The following TTN variants were observed in gnomAD, a reference collection of about 807,000 sequenced individuals.
The protein encoded by TTN is titin, also known as connectin.
In TTN, 1,525 loss-of-function variants were observed where a neutral mutation model predicts 3,223.0. The ratio of observed to expected loss-of-function variants is 0.47; its 90% CI spans 0.45 to 0.49. The LOEUF (loss-of-function observed/expected upper bound fraction) is 0.49. Ranked by LOEUF, TTN falls within the 20% of genes least tolerant of loss-of-function variation. The pLI is 0.00. For missense variants in TTN, 40,786 were observed against 43,424.0 expected, an observed-to-expected ratio of 0.94 and a Z score of 5.40; for synonymous variants, 14,094 against 15,161.0, an observed-to-expected ratio of 0.93 and a Z score of 5.17.
intron 286 of TTN, 21 bp from the exon 287 acceptor site, chr2:178,601,585 T>C (rs1559690126): frequency 6.3e-7 from 1 of 1,597,892 alleles, no homozygotes; most frequent in African/African-American, 1.4e-5. Flanking sequence ...TAAATCACAA[T>C]ATAAGCAACG....
rs1553893885 is a variant in TTN at position 178,713,408 on chromosome 2, C to CA, written c.26762-37dup. ...CAAAACAAAACAAAACAAAACAAAA[C>CA]AAAAAAAACAAAGGACAACAATTAT... On this transcript the variant is annotated intron_variant, in intron 92 of 362. Transcript: ENST00000589042. The CA allele has an allele frequency of 4.9e-4, 719 of 1,459,564 alleles. 1 individual carries two copies. Among genetic ancestry groups the CA allele is most frequent in the Non-Finnish European group, 5.8e-4 (644 of 1,106,814 alleles). 90.4% of individuals were successfully genotyped at this position (1,459,564 alleles called of 1,614,324 possible). A position where few individuals can be genotyped will look rare whatever the true frequency, so the allele number is the denominator to read the frequency against.
At position 178,632,541 on chromosome 2, in the gene TTN, T is replaced by C; in HGVS notation, c.43465A>G (p.Lys14489Glu). ...AACTATTTACCTTCAATGATCAGTTTGCCACTTGTGTGCTTATCTTCAGCT... is the reference window on the plus strand; with the variant it reads ...AACTATTTACCTTCAATGATCAGTTCGCCACTTGTGTGCTTATCTTCAGCT... ...FEAEDKHTSG[K>E]LIIEGIRLKF... Residue 14489 changes from lysine to glutamate, a missense_variant, in exon 235 of 363, where the codon AAA becomes GAA. Coordinates refer to ENST00000589042, the MANE Select transcript of TTN (RefSeq NM_001267550.2). The C allele has an allele frequency of 6.2e-7, 1 of 1,613,202 alleles. No homozygotes were observed. The highest frequency in any genetic ancestry group is 8.5e-7 in the Non-Finnish European group (1 of 1,179,534).
At position 178,631,055 on chromosome 2, in the gene TTN, A is replaced by C; in HGVS notation, c.43993T>G (p.Ser14665Ala). 4 of 1,613,112 alleles carry C rather than the reference A, an allele frequency of 2.5e-6. No homozygotes were observed. The highest frequency in any genetic ancestry group is 3.4e-6 in the Non-Finnish European group (4 of 1,179,558). ...TTACCCTCAATGTCAAGTTTTCCTG[A>C]GGTCTTATCTGTCCCACAGTCACAG... ...YTCDCGTDKT[S>A]GKLDIEDREI... is the part of the protein sequence containing the mutation. The change falls in exon 237 of 363, where the codon TCA (serine) becomes GCA (alanine). Residue 14665 changes from serine (S) to alanine (A), a missense_variant. Ser to Ala is a moderately conservative substitution (Grantham distance 99). Transcript: ENST00000589042.
intron 136 of TTN, 71 bp from the exon 137 acceptor site, chr2:178,681,521 T>C: frequency 6.7e-7 from 1 of 1,491,196 alleles, no homozygotes; most frequent in Non-Finnish European, 9.1e-7. Context: ...GAACAAAAAG[T>C]TAAGAAAGAC....
chr2:178,801,214 C>T (rs1056577165), intron 3 of TTN, among the ~76,000 whole-genome samples: 2 of 152,180 alleles, frequency 1.3e-5, no homozygotes, highest in African/African-American at 2.4e-5. Flanking sequence ...GCATTTAAAA[C>T]GTTAATCCCA....
At chr2:178,745,906 G>T (rs769868868) in intron 47 of TTN, 4 of 1,611,238 alleles carry the variant, frequency 2.5e-6, no homozygotes, top group East Asian at 4.5e-5. Context: ...CTGTGTAGTT[G>T]CTCTTTAAGA....
In TTN at chr2:178,543,323, G is replaced by A. The variant is rs759428862; in HGVS notation, c.96650C>T (p.Ser32217Phe). ...TTTTTCCCAGGCAAGGGTAACAGTG[G>A]ATTTGGTGACATCGACCACTTCTAG... ...AKLEVVDVTK[S>F]TVTLAWEKPL... Residue 32217 changes from serine to phenylalanine, a missense_variant, in exon 347 of 363, where the codon TCC becomes TTC. Coordinates refer to ENST00000589042, the MANE Select transcript of TTN (RefSeq NM_001267550.2). 5 of 1,613,846 alleles carry A rather than the reference G, an allele frequency of 3.1e-6. No individual in the cohort carries two copies. Among genetic ancestry groups the A allele is most frequent in the Non-Finnish European group, 2.5e-6 (3 of 1,179,798 alleles).
intron 127 of TTN, among the ~76,000 whole-genome samples, chr2:178,686,047 G>A (rs1245481000): frequency 6.6e-6 from 1 of 151,706 alleles, no homozygotes; most frequent in African/African-American, 2.4e-5. Context: ...CAGTTTTGTG[G>A]GGCAGGTATG....
intron 294 of TTN, among the ~76,000 whole-genome samples, chr2:178,596,609 A>C (rs1417024414): frequency 6.6e-6 from 1 of 152,102 alleles, no homozygotes; most frequent in Non-Finnish European, 1.5e-5. Context: ...GAAATGTACC[A>C]GTTCTCAAAT....
chr2:178,635,862 G>T (rs2060372935), intron 226 of TTN, 101 bp downstream of exon 226: 2 of 1,513,180 alleles, frequency 1.3e-6, no homozygotes, highest in African/African-American at 2.8e-5. Flanking sequence ...CCCCTCTTAG[G>T]TACAAGATTT....
chr2:178,620,459 G>A lies in TTN; in HGVS notation c.46062C>T (p.Tyr15354=). The change falls in exon 248 of 363, where the codon TAC becomes TAT. Residue 15354 remains tyrosine, a synonymous_variant. Transcript: ENST00000589042. ...AGTCTTTAATGGTTAACATGTGCTT[G>A]TACTTATCAACTCTGTATGAGACAC... ...DNRVSYRVDK[Y]KHMLTIKDCG... is the part of the protein sequence containing the mutation. 1 of 1,612,364 alleles carries A rather than the reference G, an allele frequency of 6.2e-7. No individual in the cohort carries two copies.
Position 178,769,708 on chromosome 2 carries a change from T to C in TTN, c.8873A>G (p.Asp2958Gly). The change falls in exon 37 of 363, where the codon GAC (aspartate) becomes GGC (glycine). Residue 2958 changes from aspartate (D) to glycine (G), a missense_variant. By Grantham distance (94) the Asp-to-Gly change is moderately conservative (BLOSUM62 -1). Coordinates refer to ENST00000589042, the MANE Select transcript of TTN (RefSeq NM_001267550.2). ...GACTGTCAGGGTGGCACTGACTTGG[T>C]CATTGCCACAGACAAATGTGTATTC... ...SAEYTFVCGN[D>G]QVSATLTVTP... 1 of 1,613,522 alleles carries C rather than the reference T, an allele frequency of 6.2e-7. No homozygotes were observed. The highest frequency in any genetic ancestry group is 1.1e-5 in the South Asian group (1 of 91,064).
chr2:178,649,524 T>C (rs1466058035), intron 212 of TTN, 30 bp downstream of exon 212: 1 of 1,541,866 alleles, frequency 6.5e-7, no homozygotes, highest in Non-Finnish European at 8.8e-7. Context: ...AATACTTTCT[T>C]TTTTATGATG....
rs771658919 is a variant in TTN at position 178,554,622 on chromosome 2, C to T, written c.88725G>A (p.Glu29575=). The T allele has an allele frequency of 1.3e-5, 21 of 1,613,790 alleles. No individual in the cohort carries two copies. The South Asian group carries it at 1.5e-4, about 12-fold the overall frequency. ...KITHYIVEKR[E]TSRVVWSMVS... Reference sequence around the variant, plus strand: ...CCATAGACCACACAACGCGGCTTGTCTCACGCTTTTCCACAATGTAGTGAG... The same window carrying T: ...CCATAGACCACACAACGCGGCTTGTTTCACGCTTTTCCACAATGTAGTGAG... The change falls in exon 332 of 363, where the codon GAG becomes GAA. Residue 29575 remains glutamate, a synonymous_variant. Coordinates refer to ENST00000589042, the MANE Select transcript of TTN (RefSeq NM_001267550.2).
At position 178,634,017 on chromosome 2, in the gene TTN, A is replaced by G. The variant is rs1270574681; in HGVS notation, c.42482T>C (p.Phe14161Ser). 6.2e-7 allele frequency: 1 copy of G among 1,613,350 alleles called. No homozygotes were observed. The change falls in exon 231 of 363, where the codon TTT becomes TCT. Residue 14161 changes from phenylalanine to serine, a missense_variant. Phe to Ser is a radical substitution (Grantham distance 155). Transcript: ENST00000589042. The surrounding 1 kb of genome is among the most constrained non-coding windows in gnomAD (Gnocchi z 4.6). ...TTTTTCATGAGAAAGTTCACAAACA[A>G]AAGTTGCTGTTTCACCTTCTTTTAC... ...QTVKEGETAT[F>S]VCELSHEKMH...
Position 178,720,951 on chromosome 2 carries a change from C to A in TTN, c.23068G>T (p.Ala7690Ser), listed in dbSNP as rs763029699. 5.0e-6 allele frequency: 8 copies of A among 1,598,048 alleles called. No homozygotes were observed. The highest frequency in any genetic ancestry group is 6.9e-6 in the Non-Finnish European group (8 of 1,167,574). ...ACTGTCAACGCTGTGCTGCAGCTGG[C>A]GTCACCAACACCATTATGAGCCTCA... ...ICEAHNGVGDASCSTALTVKA... is the reference protein window; with the variant it reads ...ICEAHNGVGDSSCSTALTVKA... Residue 7690 changes from alanine (A) to serine (S), a missense_variant, in exon 79 of 363, where the codon GCC (alanine) becomes TCC (serine). Physicochemically the swap from Ala to Ser is moderately conservative, Grantham distance 99 (BLOSUM62 1). Coordinates refer to ENST00000589042, the MANE Select transcript of TTN (RefSeq NM_001267550.2).
chr2:178,715,248 G>T lies in TTN; in HGVS notation c.25938C>A (p.Arg8646=), dbSNP rs2154297706. 3.1e-6 allele frequency: 5 copies of T among 1,604,084 alleles called. No individual in the cohort carries two copies. The highest frequency in any genetic ancestry group is 4.3e-6 in the Non-Finnish European group (5 of 1,175,534). Residue 8646 remains arginine (R), a synonymous_variant, in exon 90 of 363, where the codon CGC becomes CGA. Coordinates refer to ENST00000589042, the MANE Select transcript of TTN (RefSeq NM_001267550.2). ...GTGTCTCTATAGGATGAGGCTTTTT[G>T]CGGAAAATGGGTGGTTCTAAAATTG... is the stretch of plus-strand genomic sequence containing the variant. ...SLKVKEPPIF[R]KKPHPIETLK... is the part of the protein sequence containing the mutation.
At position 178,646,437 on chromosome 2, in the gene TTN, A is replaced by C. The variant is rs1195438431; in HGVS notation, c.40297+48T>G. The C allele has an allele frequency of 5.5e-6, 7 of 1,263,158 alleles. No individual in the cohort carries two copies. In the East Asian group the frequency reaches 1.5e-4, roughly 27 times the overall value. The allele number at this position is 1,263,158 out of a possible 1,614,324, so 78.2% of individuals were successfully genotyped here. A position where few individuals can be genotyped will look rare whatever the true frequency, so the allele number is the denominator to read the frequency against. The stretch of plus-strand genomic sequence containing the variant: ...CAACAACATAAACCATATACATTTC[A>C]AGAGAAAGAATATGATAAAGAAGAT... On this transcript the variant is annotated intron_variant, in intron 216 of 362. Coordinates refer to ENST00000589042, the MANE Select transcript of TTN (RefSeq NM_001267550.2).
chr2:178,570,087 T>C lies in TTN; in HGVS notation c.76045A>G (p.Ile25349Val). The change falls in exon 326 of 363, where the codon ATT (isoleucine) becomes GTT (valine). Residue 25349 changes from isoleucine (I) to valine (V), a missense_variant. Coordinates refer to ENST00000589042, the MANE Select transcript of TTN (RefSeq NM_001267550.2). Reference protein sequence around the residue: ...YVLEKRDKEGIRWTRCHKRLI... With the variant: ...YVLEKRDKEGVRWTRCHKRLI... ...CGCTTATGGCATCTTGTCCATCTAATGCCTTCTTTATCCCGTTTCTCAAGA... is the reference window on the plus strand; with the variant it reads ...CGCTTATGGCATCTTGTCCATCTAACGCCTTCTTTATCCCGTTTCTCAAGA... 1 of 1,613,504 alleles carries C rather than the reference T, an allele frequency of 6.2e-7. No individual in the cohort carries two copies. The highest frequency in any genetic ancestry group is 8.5e-7 in the Non-Finnish European group (1 of 1,179,604).
Sources: gnomAD v4.1 joint callset for allele counts (sites outside exome capture counted in the v4.1 genomes callset) on GRCh38, gnomAD v4.1.1 for gene constraint, Gnocchi (gnomAD v3.1) non-coding constraint, MANE v1.5 for transcripts, NCBI Gene and HGNC (gene_info 2026-07-23, HGNC 2026-07-21) for gene names.